The following C1orf162 variants were observed in gnomAD, a reference collection of about 807,000 sequenced individuals.
The protein encoded by C1orf162 is transmembrane protein C1orf162.
A neutral mutation model predicts 11.4 loss-of-function variants in C1orf162; 10 were observed. The ratio of observed to expected loss-of-function variants is 0.88; its 90% CI spans 0.54 to 1.48. The LOEUF (loss-of-function observed/expected upper bound fraction) is 1.48. Among genes scored for constraint, C1orf162 ranks in the 40% most tolerant of loss-of-function variants. C1orf162 has a pLI of 0.00. For missense variants in C1orf162, 140 were observed against 149.5 expected (o/e 0.94, Z 0.33); for synonymous variants, 53 against 55.0 (o/e 0.96, Z 0.16).
intron 2 of C1orf162, 135 bp downstream of exon 2, chr1:111,476,200 CAG>C: frequency 1.1e-6 from 1 of 899,622 alleles, no homozygotes; most frequent in East Asian, 2.7e-5. Context: ...TACCAGGACA[CAG>C]AATTTAATGC....
intron 2 of C1orf162, among the ~76,000 whole-genome samples, chr1:111,476,293 A>G (rs1309788529): frequency 6.6e-6 from 1 of 152,046 alleles, no homozygotes; most frequent in Admixed American, 6.6e-5. Context: ...TCAATATCAA[A>G]CTAGGTGGGT....
In C1orf162 at chr1:111,477,383, CT is replaced by C. The variant is rs1365786313; in HGVS notation, c.158del (p.Leu53ArgfsTer2). 6.2e-7 allele frequency: 1 copy of C among 1,613,998 alleles called. No homozygotes were observed. On this transcript the variant is annotated frameshift_variant, in exon 4 of 6. Coordinates refer to ENST00000369718, the MANE Select transcript of C1orf162 (RefSeq NM_001300834.2). LOFTEE classifies it high-confidence loss of function. ...AFCAGVLLTL[L>X]LIAFIFLIIK... ...TTGTGCTGGGGTTCTACTGACACTG[CT>C]GCTGATAGCCTTTATCTTCCTCATC...
At chr1:111,475,987 C>G in intron 1 of C1orf162, 31 bp from the exon 2 acceptor site, 1 of 1,594,558 alleles carries the variant, frequency 6.3e-7, no homozygotes, top group Non-Finnish European at 8.6e-7. Flanking sequence ...CCCTTCCAAG[C>G]TTTCTAAGAG....
rs1442726562 is a variant in C1orf162, at chr1:111,478,100, G to A, written c.370G>A (p.Ala124Thr). 1 of 1,614,080 alleles carries A rather than the reference G, an allele frequency of 6.2e-7. No homozygotes were observed. The highest frequency in any genetic ancestry group is 2.2e-5 in the East Asian group (1 of 44,900). The part of the protein sequence containing the change: ...HSADFDPIVY[A>T]QIKVTN ...TGCAGACTTTGACCCCATTGTCTAT[G>A]CTCAAATTAAAGTAACAAACTAACT... The change falls in exon 6 of 6, where the codon GCT becomes ACT. Residue 124 changes from alanine to threonine, a missense_variant. Transcript: ENST00000369718.
At chr1:111,477,568 A>G in intron 4 of C1orf162, 140 bp downstream of exon 4, 1 of 1,509,010 alleles carries the variant, frequency 6.6e-7, no homozygotes. Context: ...TGCAGACTGA[A>G]GATTCAAATC....
chr1:111,476,944 G>T, intron 3 of C1orf162, 77 bp downstream of exon 3: 1 of 1,497,378 alleles, frequency 6.7e-7, no homozygotes, highest in Non-Finnish European at 9.3e-7. Flanking sequence ...TCGGCTTGGG[G>T]ATTTGGGCAG....
intron 4 of C1orf162, 60 bp from the exon 5 acceptor site, chr1:111,477,666 T>C (rs1430589100): frequency 1.9e-6 from 3 of 1,599,600 alleles, no homozygotes; most frequent in Non-Finnish European, 2.6e-6. Flanking sequence ...AGGGAGAGGC[T>C]TCCCATTTCC....
intron 3 of C1orf162, 50 bp from the exon 4 acceptor site, chr1:111,477,284 G>T: frequency 6.8e-7 from 1 of 1,476,382 alleles, no homozygotes; most frequent in East Asian, 2.3e-5. Context: ...CTTTAGGAAA[G>T]GCCTTCAAAA....
intron 4 of C1orf162, 50 bp from the exon 5 acceptor site, chr1:111,477,676 C>A: frequency 6.2e-7 from 1 of 1,612,102 alleles, no homozygotes; most frequent in Non-Finnish European, 8.5e-7. Context: ...TTCCCATTTC[C>A]CCAGGCCCAT....
In C1orf162 at chr1:111,478,199, T is replaced by C; in HGVS notation, c.*76T>C. ...TCTTCACACATCACTTTCACTTTTT[T>C]ACAAATTTTGGACCACCACCTGTGT... is the stretch of plus-strand genomic sequence containing the variant. On this transcript the variant is annotated 3_prime_UTR_variant, in exon 6 of 6. Coordinates refer to ENST00000369718, the MANE Select transcript of C1orf162 (RefSeq NM_001300834.2). 6.3e-7 allele frequency: 1 copy of C among 1,579,962 alleles called. No homozygotes were observed.
Position 111,478,153 on chromosome 1 carries a change from T to C in C1orf162, c.*30T>C, listed in dbSNP as rs962452271. On this transcript the variant is annotated 3_prime_UTR_variant, in exon 6 of 6. Transcript: ENST00000369718. ...GCTTTTCCAATGAGGCTTGAATCCATTTCCTCTCATCTCAGCCCTATCTTC... is the reference window on the plus strand; with the variant it reads ...GCTTTTCCAATGAGGCTTGAATCCACTTCCTCTCATCTCAGCCCTATCTTC... 6.2e-6 allele frequency: 10 copies of C among 1,613,006 alleles called. No homozygotes were observed. The highest frequency in any genetic ancestry group is 3.3e-4 in the Middle Eastern group (2 of 6,060).
chr1:111,475,089 T>TA (rs1159713298), intron 1 of C1orf162: 4 of 152,036 alleles, frequency 2.6e-5, no homozygotes, highest in Non-Finnish European at 5.9e-5. Flanking sequence ...TTGATTTAAA[T>TA]AAAAATGGAA....
intron 2 of C1orf162, 102 bp downstream of exon 2, chr1:111,476,167 C>T (rs963817347): frequency 7.7e-6 from 9 of 1,171,152 alleles, no homozygotes; most frequent in Admixed American, 5.6e-5. Flanking sequence ...TAGTGCATTT[C>T]TGAAACTGGA....
chr1:111,476,746 G>A, intron 2 of C1orf162, 52 bp from the exon 3 acceptor site: 3 of 1,580,336 alleles, frequency 1.9e-6, no homozygotes, highest in East Asian at 4.5e-5. Context: ...TAAGCTGGAA[G>A]GGTATCATGA....
rs201845325 is a variant in C1orf162, at chr1:111,476,820, A to G, written c.60A>G (p.Thr20=). Reference sequence around the variant, plus strand: ...TAGAAAGACAAGGCACTCTCTCCACAGCAGCCCCAACAACTAGCCCTGCAC... The same window carrying G: ...TAGAAAGACAAGGCACTCTCTCCACGGCAGCCCCAACAACTAGCCCTGCAC... The part of the protein sequence containing the change: ...PDTERQGTLS[T]AAPTTSPAPC... The change falls in exon 3 of 6, where the codon ACA becomes ACG. Residue 20 remains threonine (T), a synonymous_variant. Coordinates refer to ENST00000369718, the MANE Select transcript of C1orf162 (RefSeq NM_001300834.2). 9 of 1,614,078 alleles carry G rather than the reference A, an allele frequency of 5.6e-6. No homozygotes were observed. Among genetic ancestry groups the G allele is most frequent in the African/African-American group, 1.3e-5 (1 of 75,018 alleles).
rs557516828 is a variant in C1orf162 at position 111,477,585 on chromosome 1, T to G, written c.203-141T>G. The G allele has an allele frequency of 1.3e-4, 193 of 1,491,854 alleles. No homozygotes were observed. The African/African-American group carries it at 2.5e-3, about 20-fold the overall frequency. The allele number at this position is 1,491,854 out of a possible 1,614,324, so 92.4% of individuals were successfully genotyped here. On this transcript the variant is annotated intron_variant, in intron 4 of 5. Transcript: ENST00000369718. Reference sequence around the variant, plus strand: ...CAGACTGAAGATTCAAATCCCTTCATTTTTCTTCCGCCCTGCCCCCCACCC... The same window carrying G: ...CAGACTGAAGATTCAAATCCCTTCAGTTTTCTTCCGCCCTGCCCCCCACCC...
Position 111,477,380 on chromosome 1 carries a change from C to T in C1orf162, c.154C>T (p.Leu52=). ...LAFCAGVLLT[L]LLIAFIFLII... ...CTTTTGTGCTGGGGTTCTACTGACA[C>T]TGCTGCTGATAGCCTTTATCTTCCT... Residue 52 remains leucine (L), a synonymous_variant, in exon 4 of 6, where the codon CTG becomes TTG. Coordinates refer to ENST00000369718, the MANE Select transcript of C1orf162 (RefSeq NM_001300834.2). 1 of 1,614,128 alleles carries T rather than the reference C, an allele frequency of 6.2e-7. No homozygotes were observed. The highest frequency in any genetic ancestry group is 8.5e-7 in the Non-Finnish European group (1 of 1,180,004).
In C1orf162 at chr1:111,478,198, T is replaced by A; in HGVS notation, c.*75T>A. On this transcript the variant is annotated 3_prime_UTR_variant, in exon 6 of 6. Coordinates refer to ENST00000369718, the MANE Select transcript of C1orf162 (RefSeq NM_001300834.2). The stretch of plus-strand genomic sequence containing the variant: ...ATCTTCACACATCACTTTCACTTTT[T>A]TACAAATTTTGGACCACCACCTGTG... 3 of 1,580,294 alleles carry A rather than the reference T, an allele frequency of 1.9e-6. 1 individual carries two copies. The South Asian group carries it at 3.3e-5, about 18-fold the overall frequency.
At chr1:111,475,967 A>T in intron 1 of C1orf162, 51 bp from the exon 2 acceptor site, 1 of 1,487,344 alleles carries the variant, frequency 6.7e-7, no homozygotes, top group Non-Finnish European at 9.4e-7. Flanking sequence ...CTGGCCCTTA[A>T]GCCGGCTCTC....
Sources: gnomAD v4.1 joint callset for allele counts (sites outside exome capture counted in the v4.1 genomes callset) on GRCh38, gnomAD v4.1.1 for gene constraint, MANE v1.5 for transcripts, NCBI Gene and HGNC (gene_info 2026-07-23, HGNC 2026-07-21) for gene names.